The following PATE1 variants were observed in gnomAD, a reference collection of about 807,000 sequenced individuals.
The protein encoded by PATE1 is prostate and testis expressed 1.
PATE1 carries 21 observed loss-of-function variants against 13.1 expected under a neutral mutation model. The ratio of observed to expected loss-of-function variants is 1.61; its 90% CI spans 1.14 to 2.31. The LOEUF (loss-of-function observed/expected upper bound fraction) is 2.31, where lower values mean the gene tolerates loss of function less well. Ranked by LOEUF, PATE1 falls within the 30% of genes most tolerant of loss-of-function variation. PATE1 has a pLI of 0.00. For synonymous variants in PATE1, 52 were observed against 47.1 expected, an observed-to-expected ratio of 1.10 and a Z score of -0.43; for missense variants, 166 against 147.2, an observed-to-expected ratio of 1.13 and a Z score of -0.66.
In PATE1 at chr11:125,747,338, C is replaced by A. The variant is rs776403020; in HGVS notation, c.89-38C>A. The A allele has an allele frequency of 1.0e-5, 16 of 1,598,192 alleles. No homozygotes were observed. The Admixed American group carries it at 2.3e-4, about 23-fold the overall frequency. On this transcript the variant is annotated intron_variant, in intron 2 of 4. Transcript: ENST00000305738. ...ACCCAATACAAGAGTAAATCTCAGG[C>A]ACATTTCAGATGTGTTTTCTTTCTC...
Position 125,746,692 on chromosome 11 carries a change from T to G in PATE1, c.84T>G (p.Asp28Glu), listed in dbSNP as rs764927231. 1 of 1,613,532 alleles carries G rather than the reference T, an allele frequency of 6.2e-7. No homozygotes were observed. The highest frequency in any genetic ancestry group is 8.5e-7 in the Non-Finnish European group (1 of 1,179,680). Residue 28 changes from aspartate (D) to glutamate (E), a missense_variant, in exon 2 of 5, where the codon GAT becomes GAG. Physicochemically the swap from Asp to Glu is conservative, Grantham distance 45 (BLOSUM62 2). Transcript: ENST00000305738. ...CTGGATCACTTTCAATGAGAAATGA[T>G]GCAGGTGAGTAGGAATAGATAAGTG... The part of the protein sequence containing the change: ...ALSGSLSMRN[D>E]AVNEIVAVKN...
Position 125,748,939 on chromosome 11 carries a change from A to G in PATE1, c.*206A>G. 1 of 524,862 alleles carries G rather than the reference A, an allele frequency of 1.9e-6. No individual in the cohort carries two copies. Among genetic ancestry groups the G allele is most frequent in the South Asian group, 3.9e-5 (1 of 25,568 alleles). 32.5% of individuals were successfully genotyped at this position (524,862 alleles called of 1,614,324 possible). A position where few individuals can be genotyped will look rare whatever the true frequency, so the allele number is the denominator to read the frequency against. ...TCACGCCCCTTAAAATAAGTAAATA[A>G]ATAACCTTGAGAGAAAGAACAAGAT... On this transcript the variant is annotated 3_prime_UTR_variant, in exon 5 of 5. Coordinates refer to ENST00000305738, the MANE Select transcript of PATE1 (RefSeq NM_138294.3).
intron 4 of PATE1, 95 bp from the exon 5 acceptor site, chr11:125,748,505 A>G: frequency 3.5e-6 from 5 of 1,412,348 alleles, no homozygotes; most frequent in African/African-American, 1.4e-5. Flanking sequence ...GAACTACACA[A>G]GATTATTTCT....
At chr11:125,747,331 T>C (rs944337439) in intron 2 of PATE1, 45 bp from the exon 3 acceptor site, 1 of 1,590,232 alleles carries the variant, frequency 6.3e-7, no homozygotes, top group Admixed American at 1.7e-5. Flanking sequence ...CAAGAGTAAA[T>C]CTCAGGCACA....
Position 125,748,797 on chromosome 11 carries a change from T to A in PATE1, c.*64T>A. On this transcript the variant is annotated 3_prime_UTR_variant, in exon 5 of 5. Transcript: ENST00000305738. ...GGTTGTTGCCTCAGCCTCTTCACAA[T>A]GACTTTCTAAAAAAAATCACACACA... 6.4e-7 allele frequency: 1 copy of A among 1,564,028 alleles called. No homozygotes were observed. Among genetic ancestry groups the A allele is most frequent in the Admixed American group, 1.8e-5 (1 of 54,290 alleles).
intron 2 of PATE1, among the ~76,000 whole-genome samples, 174 bp downstream of exon 2, chr11:125,746,870 T>C (rs578093540): frequency 6.6e-6 from 1 of 152,182 alleles, no homozygotes; most frequent in African/African-American, 2.4e-5. Flanking sequence ...TGATTTTAGG[T>C]TTGACAAAAT....
rs537916 is a variant in PATE1 at position 125,747,711 on chromosome 11, G to T, written c.136G>T (p.Val46Phe). 4 of 1,613,300 alleles carry T rather than the reference G, an allele frequency of 2.5e-6. No individual in the cohort carries two copies. Among genetic ancestry groups the T allele is most frequent in the Middle Eastern group, 1.7e-4 (1 of 6,034 alleles). ...TCTCTCTGGCCAAGTGATAGAAATTGTTCAGTGTAGGATGTGCCACCTCCA... is the reference window on the plus strand; with the variant it reads ...TCTCTCTGGCCAAGTGATAGAAATTTTTCAGTGTAGGATGTGCCACCTCCA... The part of the protein sequence containing the change: ...VKNNFPVIEI[V>F]QCRMCHLQFP... The change falls in exon 4 of 5, where the codon GTT (valine) becomes TTT (phenylalanine). Residue 46 changes from valine (V) to phenylalanine (F), a missense_variant. By Grantham distance (50) the Val-to-Phe change is conservative. Transcript: ENST00000305738.
chr11:125,748,760 A>C lies in PATE1; in HGVS notation c.*27A>C. On this transcript the variant is annotated 3_prime_UTR_variant, in exon 5 of 5. Coordinates refer to ENST00000305738, the MANE Select transcript of PATE1 (RefSeq NM_138294.3). Reference sequence around the variant, plus strand: ...AGTTAATGGTTCTTCTGTGACTCCAATTTCTGGGTGAGGTTGTTGCCTCAG... The same window carrying C: ...AGTTAATGGTTCTTCTGTGACTCCACTTTCTGGGTGAGGTTGTTGCCTCAG... 6.2e-7 allele frequency: 1 copy of C among 1,608,900 alleles called. No homozygotes were observed. Among genetic ancestry groups the C allele is most frequent in the Non-Finnish European group, 8.5e-7 (1 of 1,177,656 alleles).
Position 125,747,786 on chromosome 11 carries a change from A to G in PATE1, c.211A>G (p.Thr71Ala). The G allele has an allele frequency of 1.9e-6, 3 of 1,613,948 alleles. No individual in the cohort carries two copies. Among genetic ancestry groups the G allele is most frequent in the Middle Eastern group, 1.7e-4 (1 of 6,058 alleles). The change falls in exon 4 of 5, where the codon ACA (threonine) becomes GCA (alanine). Residue 71 changes from threonine to alanine, a missense_variant. Thr to Ala is a moderately conservative substitution (Grantham distance 58). Transcript: ENST00000305738. ...SRGRGICTATTEEACMVGRMF... is the reference protein window; with the variant it reads ...SRGRGICTATAEEACMVGRMF... ...AGGAAGAGGAATATGCACAGCAACA[A>G]CAGAAGAGGCCTGCATGGTTGGAAG...
At position 125,746,334 on chromosome 11, in the gene PATE1, C is replaced by G. The variant is rs747049911; in HGVS notation, c.30C>G (p.Pro10=). The G allele has an allele frequency of 1.9e-6, 3 of 1,613,954 alleles. No individual in the cohort carries two copies. The highest frequency in any genetic ancestry group is 2.5e-6 in the Non-Finnish European group (3 of 1,179,882). Residue 10 remains proline, a synonymous_variant, in exon 1 of 5, where the codon CCC becomes CCG. Coordinates refer to ENST00000305738, the MANE Select transcript of PATE1 (RefSeq NM_138294.3). MDKSLLLEL[P]ILLCCFRALS... is the part of the protein sequence containing the mutation. The stretch of plus-strand genomic sequence containing the variant: ...ACAAGTCCCTCTTGCTGGAACTCCC[C>G]ATCCTGCTCTGCTGCTTTAGGGGTG...
At position 125,747,798 on chromosome 11, in the gene PATE1, T is replaced by C. The variant is rs776780647; in HGVS notation, c.223T>C (p.Cys75Arg). ...GICTATTEEACMVGRMFKRDG... is the reference protein window; with the variant it reads ...GICTATTEEARMVGRMFKRDG... ...ATGCACAGCAACAACAGAAGAGGCC[T>C]GCATGGTTGGAAGGATGTTCAAAAG... Residue 75 changes from cysteine to arginine, a missense_variant, in exon 4 of 5, where the codon TGC (cysteine) becomes CGC (arginine). Cys to Arg is a radical substitution (Grantham distance 180). Transcript: ENST00000305738. 1.9e-6 allele frequency: 3 copies of C among 1,613,688 alleles called. No homozygotes were observed. The highest frequency in any genetic ancestry group is 1.7e-6 in the Non-Finnish European group (2 of 1,179,792).
intron 4 of PATE1, chr11:125,748,023 AAGGG>A: frequency 1.5e-6 from 1 of 683,838 alleles, no homozygotes; most frequent in Non-Finnish European, 2.4e-6. Flanking sequence ...GCCTACAGCT[AAGGG>A]ATTAGCATTT....
At chr11:125,746,926 G>A (rs1943277085) in intron 2 of PATE1, among the ~76,000 whole-genome samples, 1 of 152,090 alleles carries the variant, frequency 6.6e-6, no homozygotes. Context: ...GTCAGTGAAG[G>A]GCAAGGAAAA....
At position 125,748,859 on chromosome 11, in the gene PATE1, T is replaced by A; in HGVS notation, c.*126T>A. 8.3e-7 allele frequency: 1 copy of A among 1,206,140 alleles called. No individual in the cohort carries two copies. The highest frequency in any genetic ancestry group is 1.1e-6 in the Non-Finnish European group (1 of 876,818). The allele number at this position is 1,206,140 out of a possible 1,614,324, so 74.7% of individuals were successfully genotyped here. A position where few individuals can be genotyped will look rare whatever the true frequency, so the allele number is the denominator to read the frequency against. ...ACTACAGAAGAGGATTGCAAACACA[T>A]GGCTCCATCTTCTGCACACGAAAGG... On this transcript the variant is annotated 3_prime_UTR_variant, in exon 5 of 5. Transcript: ENST00000305738.
intron 2 of PATE1, 44 bp downstream of exon 2, chr11:125,746,740 G>A: frequency 6.2e-7 from 1 of 1,607,688 alleles, no homozygotes; most frequent in Non-Finnish European, 8.5e-7. Flanking sequence ...GAAGGTCTGA[G>A]GAGGAAAAGA....
intron 1 of PATE1, 29 bp from the exon 2 acceptor site, chr11:125,746,632 G>A (rs1565413688): frequency 6.2e-7 from 1 of 1,613,244 alleles, no homozygotes. Context: ...GAGGTCTGCA[G>A]ACAGTGTATC....
intron 2 of PATE1, 125 bp downstream of exon 2, chr11:125,746,821 CA>C: frequency 1.1e-6 from 1 of 932,778 alleles, no homozygotes; most frequent in Admixed American, 1.9e-5. Context: ...TTCCAACACG[CA>C]ACAACCTCTT....
chr11:125,747,845 G>A, intron 4 of PATE1, 23 bp downstream of exon 4: 1 of 1,613,320 alleles, frequency 6.2e-7, no homozygotes, highest in Non-Finnish European at 8.5e-7. Context: ...TTGGGGAAAA[G>A]AAGAACGGGC....
At chr11:125,746,547 T>C in intron 1 of PATE1, 114 bp from the exon 2 acceptor site, 1 of 1,407,854 alleles carries the variant, frequency 7.1e-7, no homozygotes, top group Non-Finnish European at 1.0e-6. Flanking sequence ...TCCCTTCCTT[T>C]ATGGGGGGAA....
Sources: gnomAD v4.1 joint callset for allele counts (sites outside exome capture counted in the v4.1 genomes callset) on GRCh38, gnomAD v4.1.1 for gene constraint, MANE v1.5 for transcripts, NCBI Gene and HGNC (gene_info 2026-07-23, HGNC 2026-07-21) for gene names.